Variants in MSRA observed in about 807,000 individuals in gnomAD.
The protein encoded by MSRA is methionine sulfoxide reductase A.
In MSRA, 54 loss-of-function variants were observed where a neutral mutation model predicts 31.3. That is an observed-to-expected ratio of 1.73 (90% CI 1.39 to 2.17). MSRA has a LOEUF of 2.17. Among genes scored for constraint, MSRA ranks in the 30% most tolerant of loss-of-function variants. MSRA has a pLI of 0.00. For missense variants in MSRA, 507 were observed against 300.9 expected (o/e 1.69, Z -5.07); for synonymous variants, 169 against 116.5 (o/e 1.45, Z -2.90).
chr8:10,296,338 C>T (rs781750930), intron 3 of MSRA, among the ~76,000 whole-genome samples: 1 of 152,184 alleles, frequency 6.6e-6, no homozygotes, highest in African/African-American at 2.4e-5. Flanking sequence ...TACGGAAACA[C>T]GAAAGGTTAA....
At chr8:10,323,381 C>T (rs1294250486) in intron 5 of MSRA, among the ~76,000 whole-genome samples, 1 of 152,104 alleles carries the variant, frequency 6.6e-6, no homozygotes, top group Non-Finnish European at 1.5e-5. Context: ...TAATACCAAG[C>T]GACTCTGGAA....
chr8:10,222,628 A>G (rs2129068338), intron 2 of MSRA, among the ~76,000 whole-genome samples: 1 of 152,372 alleles, frequency 6.6e-6, no homozygotes, highest in Admixed American at 6.5e-5. Flanking sequence ...CCTGCGGTAT[A>G]TATACACAAT....
intron 4 of MSRA, among the ~76,000 whole-genome samples, chr8:10,311,765 A>T (rs1472192522): frequency 6.6e-6 from 1 of 152,120 alleles, no homozygotes; most frequent in African/African-American, 2.4e-5. Flanking sequence ...AATTTCAAAA[A>T]AACTAGCTGG....
chr8:10,397,993 G>A (rs1383616611), intron 5 of MSRA, among the ~76,000 whole-genome samples: 1 of 152,170 alleles, frequency 6.6e-6, no homozygotes, highest in Non-Finnish European at 1.5e-5. Flanking sequence ...AATATAAAAG[G>A]TGGCATTGAT....
At chr8:10,392,398 C>T (rs992645387) in intron 5 of MSRA, among the ~76,000 whole-genome samples, 1 of 152,200 alleles carries the variant, frequency 6.6e-6, no homozygotes, top group Admixed American at 6.5e-5. Flanking sequence ...CTTCCCTGAG[C>T]CGACGTGGCT....
At chr8:10,388,041 A>G (rs762063165) in intron 5 of MSRA, among the ~76,000 whole-genome samples, 13 of 152,308 alleles carry the variant, frequency 8.5e-5, no homozygotes, top group East Asian at 3.9e-4. Context: ...AGGTTCTCCA[A>G]TGGAGCCCTT....
chr8:10,184,293 C>G (rs956229553), intron 1 of MSRA, among the ~76,000 whole-genome samples: 2 of 151,662 alleles, frequency 1.3e-5, no homozygotes, highest in African/African-American at 4.8e-5. Context: ...TCTTACACAG[C>G]CAGCCTCTTA....
At chr8:10,234,897 C>T (rs563832178) in intron 2 of MSRA, among the ~76,000 whole-genome samples, 4 of 151,896 alleles carry the variant, frequency 2.6e-5, no homozygotes, top group East Asian at 3.9e-4. Context: ...CTTGTGTATG[C>T]TAATAGCATA....
intron 1 of MSRA, among the ~76,000 whole-genome samples, chr8:10,151,862 G>C (rs1477467446): frequency 6.6e-6 from 1 of 152,182 alleles, no homozygotes; most frequent in African/African-American, 2.4e-5. Flanking sequence ...TTTAGTAAAG[G>C]CCAAGGTCAT....
chr8:10,397,161 C>A (rs796851585), intron 5 of MSRA, among the ~76,000 whole-genome samples: 24 of 152,302 alleles, frequency 1.6e-4, no homozygotes, highest in African/African-American at 5.8e-4. Context: ...CCGGCTTGAC[C>A]TTCTGCTAGA....
intron 5 of MSRA, among the ~76,000 whole-genome samples, chr8:10,376,788 C>G (rs1428190446): frequency 6.6e-6 from 1 of 152,138 alleles, no homozygotes; most frequent in Non-Finnish European, 1.5e-5. Context: ...ATAAAGACAA[C>G]TATACAAAGT....
intron 1 of MSRA, among the ~76,000 whole-genome samples, chr8:10,089,808 A>C (rs7831989): frequency 0.53 from 80,245 of 151,710 alleles, 23,180 homozygotes; most frequent in Middle Eastern, 0.66. Flanking sequence ...CTTTATAACA[A>C]CCCAGTCTCA....
rs558338926 is a variant in MSRA at position 10,212,593 on chromosome 8, G to A, written c.211+4692G>A. Among the ~76,000 whole-genome samples, 8 of 152,290 alleles carry A rather than the reference G, an allele frequency of 5.3e-5. No individual in the cohort carries two copies. In the East Asian group the frequency reaches 5.8e-4, roughly 11 times the overall value. Reference sequence around the variant, plus strand: ...ATAACTTCAGTTTGAAAGTTAATGCGTATTCATAAAACCTAGTTTGTGATA... The same window carrying A: ...ATAACTTCAGTTTGAAAGTTAATGCATATTCATAAAACCTAGTTTGTGATA... On this transcript the variant is annotated intron_variant, in intron 2 of 5. Coordinates refer to ENST00000317173, the MANE Select transcript of MSRA (RefSeq NM_012331.5).
intron 3 of MSRA, among the ~76,000 whole-genome samples, chr8:10,249,275 A>G (rs910978598): frequency 6.6e-6 from 1 of 152,192 alleles, no homozygotes; most frequent in Non-Finnish European, 1.5e-5. Context: ...ATTCAATAAA[A>G]TGCCTCTCTG....
At chr8:10,259,681 G>A (rs1798367937) in intron 3 of MSRA, among the ~76,000 whole-genome samples, 1 of 152,126 alleles carries the variant, frequency 6.6e-6, no homozygotes, top group African/African-American at 2.4e-5. Context: ...ACCGTCCTGG[G>A]AAACCCAGGA....
At chr8:10,054,727 G>C (rs565337064) in intron 1 of MSRA, 69 bp downstream of exon 1, 7 of 1,390,922 alleles carry the variant, frequency 5.0e-6, no homozygotes, top group Non-Finnish European at 6.6e-6. Context: ...CGGCGGCAGC[G>C]CGCCCGCTGC....
rs1011738845 is a variant in MSRA at position 10,416,097 on chromosome 8, C to T, written c.544-12051C>T. On this transcript the variant is annotated intron_variant, in intron 5 of 5. Coordinates refer to ENST00000317173, the MANE Select transcript of MSRA (RefSeq NM_012331.5). ...CTTCTCCTGCCTGAGCCTGCTTCCC[C>T]AGCACCTGGCACGGCACCTGCTCAC... Among the ~76,000 whole-genome samples, 3 of 152,114 alleles carry T rather than the reference C, an allele frequency of 2.0e-5. No individual in the cohort carries two copies. The South Asian group carries it at 6.2e-4, about 32-fold the overall frequency.
At chr8:10,387,059 G>A (rs1423652054) in intron 5 of MSRA, among the ~76,000 whole-genome samples, 1 of 152,096 alleles carries the variant, frequency 6.6e-6, no homozygotes, top group African/African-American at 2.4e-5. Context: ...CTGAGCTTCT[G>A]CATTTCTGAC....
chr8:10,295,589 C>T (rs1800493165), intron 3 of MSRA, among the ~76,000 whole-genome samples: 1 of 152,208 alleles, frequency 6.6e-6, no homozygotes, highest in African/African-American at 2.4e-5. Flanking sequence ...ATAAGACCTG[C>T]TTCCCTGCTG....
Sources: allele counts gnomAD v4.1 joint callset (sites outside exome capture counted in the v4.1 genomes callset), GRCh38; gene constraint gnomAD v4.1.1; transcripts MANE v1.5; gene names NCBI Gene and HGNC (gene_info 2026-07-23, HGNC 2026-07-21).